TBC1D5: variants seen among roughly 807,000 people sequenced by gnomAD.
The protein encoded by TBC1D5 is TBC1 domain family, member 5.
In TBC1D5, 75 loss-of-function variants were observed where a neutral mutation model predicts 100.3. The observed-to-expected ratio is 0.75, with a 90% CI of 0.62 to 0.91. The LOEUF (loss-of-function observed/expected upper bound fraction) is 0.91. Ranked by LOEUF, TBC1D5 falls within the 40% of genes least tolerant of loss-of-function variation. TBC1D5 has a pLI of 0.00. For synonymous variants in TBC1D5, 323 were observed against 325.6 expected (o/e 0.99, Z 0.09); for missense variants, 910 against 942.4 (o/e 0.97, Z 0.45).
chr3:17,514,328 T>C (rs1173821699), intron 2 of TBC1D5, among the ~76,000 whole-genome samples: 1 of 152,208 alleles, frequency 6.6e-6, no homozygotes, highest in Non-Finnish European at 1.5e-5. Flanking sequence ...TATAAAAGCA[T>C]TTGTCTTAAT....
intron 1 of TBC1D5, among the ~76,000 whole-genome samples, chr3:17,705,811 C>A (rs2153904572): frequency 6.7e-6 from 1 of 148,422 alleles, no homozygotes; most frequent in Non-Finnish European, 1.5e-5. Flanking sequence ...CGATGGGCGG[C>A]CAGGCAGAGA....
chr3:17,585,321 T>C (rs1452866778), intron 2 of TBC1D5, among the ~76,000 whole-genome samples: 2 of 152,110 alleles, frequency 1.3e-5, no homozygotes, highest in Admixed American at 6.5e-5. Flanking sequence ...AAACCAAGAA[T>C]GATTTGAGGG....
intron 14 of TBC1D5, among the ~76,000 whole-genome samples, chr3:17,295,719 C>A (rs928881448): frequency 6.6e-6 from 1 of 152,136 alleles, no homozygotes; most frequent in African/African-American, 2.4e-5. Flanking sequence ...TCTTTCTCAG[C>A]ATAATAAAAC....
intron 13 of TBC1D5, among the ~76,000 whole-genome samples, chr3:17,371,844 C>A (rs2092473892): frequency 6.6e-6 from 1 of 152,032 alleles, no homozygotes; most frequent in African/African-American, 2.4e-5. Flanking sequence ...TCAAGGGGAG[C>A]CTGGCCAACA....
chr3:17,217,128 A>G (rs753799722), intron 17 of TBC1D5, among the ~76,000 whole-genome samples: 9 of 152,130 alleles, frequency 5.9e-5, no homozygotes, highest in Non-Finnish European at 8.8e-5. Context: ...GAGTGATACT[A>G]TATGTGGTCT....
intron 1 of TBC1D5, among the ~76,000 whole-genome samples, chr3:17,731,984 T>C (rs772405903): frequency 6.6e-6 from 1 of 152,156 alleles, no homozygotes; most frequent in African/African-American, 2.4e-5. Flanking sequence ...TACACAGATC[T>C]GAAAGTTCAG....
chr3:17,379,075 ATT>A (rs1232523120), intron 9 of TBC1D5, among the ~76,000 whole-genome samples: 1 of 150,872 alleles, frequency 6.6e-6, no homozygotes, highest in African/African-American at 2.4e-5. Flanking sequence ...ATATTCTAAT[ATT>A]TCCTATTTTC....
intron 9 of TBC1D5, among the ~76,000 whole-genome samples, chr3:17,378,275 A>T (rs1306737252): frequency 6.6e-6 from 1 of 151,814 alleles, no homozygotes; most frequent in Admixed American, 6.6e-5. Context: ...ATTTCAGGGT[A>T]AAGGGGTAAA....
chr3:17,302,612 A>G (rs1353444194), intron 14 of TBC1D5, among the ~76,000 whole-genome samples: 1 of 152,136 alleles, frequency 6.6e-6, no homozygotes, highest in African/African-American at 2.4e-5. Context: ...AACTATAGAC[A>G]TTTGACCCAG....
At chr3:17,448,090 C>A (rs1448899677) in intron 3 of TBC1D5, among the ~76,000 whole-genome samples, 1 of 152,146 alleles carries the variant, frequency 6.6e-6, no homozygotes, top group Non-Finnish European at 1.5e-5. Flanking sequence ...CCGGAGCCCT[C>A]GGGTTCAAGG....
chr3:17,559,283 G>C (rs1215648365), intron 2 of TBC1D5, among the ~76,000 whole-genome samples: 1 of 151,846 alleles, frequency 6.6e-6, no homozygotes, highest in African/African-American at 2.4e-5. Flanking sequence ...TGGGATTACA[G>C]GCATGGCCAC....
chr3:17,400,645 G>C (rs1012762074), intron 8 of TBC1D5, among the ~76,000 whole-genome samples: 1 of 152,020 alleles, frequency 6.6e-6, no homozygotes, highest in Non-Finnish European at 1.5e-5. Flanking sequence ...GTTGCCAAAG[G>C]AGATTAAAAT....
At chr3:17,728,216 C>A (rs572111741) in intron 1 of TBC1D5, among the ~76,000 whole-genome samples, 1 of 152,228 alleles carries the variant, frequency 6.6e-6, no homozygotes, top group South Asian at 2.1e-4. Context: ...CATCAGGCAT[C>A]AAACAAGGAG....
At chr3:17,513,035 T>C (rs1418540276) in intron 2 of TBC1D5, among the ~76,000 whole-genome samples, 1 of 151,870 alleles carries the variant, frequency 6.6e-6, no homozygotes, top group Non-Finnish European at 1.5e-5. Flanking sequence ...ATTTTCCATG[T>C]AAAAAAAATC....
chr3:17,411,155 C>G (rs909634259), intron 4 of TBC1D5, among the ~76,000 whole-genome samples: 3 of 151,966 alleles, frequency 2.0e-5, no homozygotes, highest in African/African-American at 4.8e-5. Flanking sequence ...GCAAGACCCT[C>G]TACCAGCAAA....
At chr3:17,674,659 C>T (rs1001260331) in intron 1 of TBC1D5, among the ~76,000 whole-genome samples, 1 of 152,060 alleles carries the variant, frequency 6.6e-6, no homozygotes, top group African/African-American at 2.4e-5. Flanking sequence ...CATACAATAA[C>T]ATAATTATAC....
chr3:17,296,965 CAGAATCTCATTTAATA>C (rs1175259562), intron 14 of TBC1D5, among the ~76,000 whole-genome samples: 1 of 152,188 alleles, frequency 6.6e-6, no homozygotes, highest in African/African-American at 2.4e-5. Flanking sequence ...ACACTTTAAA[CAGAATCTCATTTAATA>C]AGAGATCAAG....
intron 13 of TBC1D5, 36 bp downstream of exon 13, chr3:17,372,039 A>AAAAACAAACAAACAAAC (rs2092485097): frequency 6.0e-6 from 9 of 1,504,818 alleles, no homozygotes; most frequent in Non-Finnish European, 8.1e-6. Context: ...TCTGTCTCAA[A>AAAAACAAACAAACAAAC]AAACAAACAA....
chr3:17,216,903 T>G (rs2126037033), intron 17 of TBC1D5, among the ~76,000 whole-genome samples: 1 of 152,272 alleles, frequency 6.6e-6, no homozygotes, highest in Admixed American at 6.5e-5. Flanking sequence ...AACTTTCACC[T>G]TTTAAAAGAA....
Sources: gnomAD v4.1 joint callset for allele counts (sites outside exome capture counted in the v4.1 genomes callset) on GRCh38, gnomAD v4.1.1 for gene constraint, MANE v1.5 for transcripts, NCBI Gene and HGNC (gene_info 2026-07-23, HGNC 2026-07-21) for gene names.